PDE1C: variants seen among roughly 807,000 people sequenced by gnomAD.
PDE1C encodes phosphodiesterase 1C, also known as dual specificity calcium/calmodulin-dependent 3',5'-cyclic nucleotide phosphodiesterase 1C.
PDE1C carries 62 observed loss-of-function variants against 93.1 expected under a neutral mutation model. The ratio of observed to expected loss-of-function variants is 0.67; its 90% CI spans 0.54 to 0.82. PDE1C has a LOEUF of 0.82. PDE1C is among the 40% of genes least tolerant of loss of function. The pLI, the probability that PDE1C is intolerant of heterozygous loss-of-function variation, is 0.00. For synonymous variants in PDE1C, 325 were observed against 310.1 expected, an observed-to-expected ratio of 1.05 and a Z score of -0.50; for missense variants, 742 against 884.6, an observed-to-expected ratio of 0.84 and a Z score of 2.04.
intron 17 of PDE1C, among the ~76,000 whole-genome samples, chr7:31,762,699 A>T (rs1040393317): frequency 4.6e-5 from 7 of 152,124 alleles, no homozygotes; most frequent in African/African-American, 1.4e-4. Flanking sequence ...AGAAAGTGAG[A>T]ATGCTGAATT....
At chr7:32,026,833 A>AT (rs1157105158) in intron 2 of PDE1C, among the ~76,000 whole-genome samples, 1 of 152,176 alleles carries the variant, frequency 6.6e-6, no homozygotes, top group Non-Finnish European at 1.5e-5. Context: ...AGCACTAAAA[A>AT]TTAAAAAAAA....
chr7:31,806,048 C>T (rs554925129), intron 16 of PDE1C, among the ~76,000 whole-genome samples: 6 of 151,938 alleles, frequency 3.9e-5, no homozygotes, highest in South Asian at 2.1e-4. Flanking sequence ...ACTGTCTTGC[C>T]GACCCTTTCC....
At chr7:32,198,294 T>A (rs191142629) in intron 2 of PDE1C, among the ~76,000 whole-genome samples, 73 of 152,374 alleles carry the variant, frequency 4.8e-4, no homozygotes, top group Non-Finnish European at 7.8e-4. Context: ...ATTTGACTTC[T>A]GGCTTCTAAA....
intron 1 of PDE1C, among the ~76,000 whole-genome samples, chr7:32,357,150 G>A (rs1356516921): frequency 6.6e-6 from 1 of 152,152 alleles, no homozygotes; most frequent in Non-Finnish European, 1.5e-5. Context: ...GGCAAACACT[G>A]TGAAACCCCG....
chr7:32,373,294 T>A (rs73306185), intron 1 of PDE1C, among the ~76,000 whole-genome samples: 2,202 of 152,218 alleles, frequency 0.014, 52 homozygotes, highest in African/African-American at 0.05. Context: ...AGGAATGGAG[T>A]ACTGACTGAT....
intron 1 of PDE1C, among the ~76,000 whole-genome samples, chr7:32,390,943 G>A (rs957651505): frequency 6.6e-6 from 1 of 151,974 alleles, no homozygotes; most frequent in African/African-American, 2.4e-5. Flanking sequence ...TCTTTAATAG[G>A]AAATAAGACA....
chr7:31,699,146 C>T, the PDE1C span, among the ~76,000 whole-genome samples: 2 of 152,138 alleles, frequency 1.3e-5, no homozygotes, highest in Non-Finnish European at 2.9e-5. Flanking sequence ...AAATTGGACA[C>T]CAGAAGATGA....
intron 1 of PDE1C, among the ~76,000 whole-genome samples, chr7:32,317,350 T>G (rs1023050554): frequency 2.6e-5 from 4 of 152,008 alleles, no homozygotes; most frequent in Non-Finnish European, 5.9e-5. Flanking sequence ...ATTACACACA[T>G]GAAGATACTG....
the PDE1C span, among the ~76,000 whole-genome samples, chr7:31,625,312 C>G: frequency 6.6e-5 from 10 of 151,916 alleles, no homozygotes; most frequent in Admixed American, 6.6e-5. Flanking sequence ...GCTATAAAGA[C>G]ACATGCACTC....
intron 2 of PDE1C, among the ~76,000 whole-genome samples, chr7:32,208,118 T>C (rs532930787): frequency 3.5e-4 from 53 of 152,352 alleles, no homozygotes; most frequent in East Asian, 1.7e-3. Context: ...ACACAATTTC[T>C]AAAATATGAG....
intron 3 of PDE1C, among the ~76,000 whole-genome samples, chr7:32,131,419 T>C (rs1381487298): frequency 6.6e-6 from 1 of 152,126 alleles, no homozygotes; most frequent in Non-Finnish European, 1.5e-5. Flanking sequence ...ATTTGTTGTT[T>C]GGTTGGTTGA....
intron 1 of PDE1C, among the ~76,000 whole-genome samples, chr7:32,343,475 G>A (rs994632583): frequency 1.3e-5 from 2 of 152,142 alleles, no homozygotes; most frequent in African/African-American, 4.8e-5. Flanking sequence ...ACTCCACAGG[G>A]AGAATTAGAG....
intron 17 of PDE1C, among the ~76,000 whole-genome samples, chr7:31,763,204 C>A (rs371421498): frequency 6.6e-6 from 1 of 152,164 alleles, no homozygotes; most frequent in African/African-American, 2.4e-5. Context: ...GGGCGGCCAA[C>A]CTGCTCCCTG....
rs2129003312 is a variant in PDE1C at position 31,943,602 on chromosome 7, A to G, written c.129-62742T>C. On this transcript the variant is annotated intron_variant, in intron 2 of 17. Coordinates refer to ENST00000396191, the MANE Select transcript of PDE1C (RefSeq NM_001191057.4). Reference sequence around the variant, plus strand: ...GCAAGTTCACCAACAGTAGTCCTATAAATATCAATGACCAGGAGTATAAAC... The same window carrying G: ...GCAAGTTCACCAACAGTAGTCCTATGAATATCAATGACCAGGAGTATAAAC... 2.0e-5 allele frequency among the ~76,000 whole-genome samples: 3 copies of G among 152,290 alleles called. No individual in the cohort carries two copies. The South Asian group carries it at 6.2e-4, about 32-fold the overall frequency.
intron 2 of PDE1C, among the ~76,000 whole-genome samples, chr7:32,038,130 A>T (rs1317925659): frequency 6.6e-6 from 1 of 152,162 alleles, no homozygotes; most frequent in African/African-American, 2.4e-5. Flanking sequence ...AAAGAATAAC[A>T]GTAGTAGGTG....
chr7:31,989,100 A>AAGAAAG (rs1315063038), intron 2 of PDE1C, among the ~76,000 whole-genome samples: 3 of 151,334 alleles, frequency 2.0e-5, no homozygotes, highest in Non-Finnish European at 2.9e-5. Flanking sequence ...CAAAGAAAGA[A>AAGAAAG]AGAAAGAGAA....
chr7:32,242,123 G>A (rs1388292993), intron 1 of PDE1C, among the ~76,000 whole-genome samples: 2 of 152,146 alleles, frequency 1.3e-5, no homozygotes, highest in Non-Finnish European at 2.9e-5. Context: ...TTTAAATGAG[G>A]CAGTAAGCAT....
the PDE1C span, among the ~76,000 whole-genome samples, chr7:31,626,867 A>C: frequency 1.3e-5 from 2 of 152,220 alleles, no homozygotes; most frequent in African/African-American, 4.8e-5. Context: ...AACACACAGT[A>C]AGCACCCAAC....
chr7:32,247,201 C>T (rs1809022736), intron 1 of PDE1C, among the ~76,000 whole-genome samples: 1 of 152,184 alleles, frequency 6.6e-6, no homozygotes. Flanking sequence ...AGTTCATGAA[C>T]ATGGCATGTT....
Sources: allele counts gnomAD v4.1 joint callset (sites outside exome capture counted in the v4.1 genomes callset), GRCh38; gene constraint gnomAD v4.1.1; transcripts MANE v1.5; gene names NCBI Gene and HGNC (gene_info 2026-07-23, HGNC 2026-07-21).